Variants in PIEZO2 observed in about 807,000 individuals in gnomAD.
PIEZO2 encodes the protein piezo-type mechanosensitive ion channel component 2.
Under a neutral mutation model 337.3 loss-of-function variants are expected in PIEZO2, and 172 were observed. The observed-to-expected ratio is 0.51, with a 90% CI of 0.45 to 0.58. The LOEUF is 0.58. PIEZO2 is among the 20% of genes least tolerant of loss of function. PIEZO2 has a pLI of 0.00. For missense variants in PIEZO2, 3,028 were observed against 3,391.3 expected (o/e 0.89, Z 2.66); for synonymous variants, 1,251 against 1,228.5 (o/e 1.02, Z -0.38).
At chr18:11,144,470 A>G (rs2040756458) in intron 1 of PIEZO2, among the ~76,000 whole-genome samples, 1 of 152,176 alleles carries the variant, frequency 6.6e-6, no homozygotes, top group Non-Finnish European at 1.5e-5. Flanking sequence ...TCACATAGAC[A>G]TTAGCTCCAT....
chr18:11,069,459 A>C lies in PIEZO2; in HGVS notation c.65-3237T>G, dbSNP rs573169974. ...TCTTCTCAAAAGATGCAGAAAAACTATCTGACAAAATTCAACACCCTTCAT... is the reference window on the plus strand; with the variant it reads ...TCTTCTCAAAAGATGCAGAAAAACTCTCTGACAAAATTCAACACCCTTCAT... On this transcript the variant is annotated intron_variant, in intron 1 of 55. Transcript: ENST00000674853. This position sits in a 1 kb window ranked among gnomAD's most constrained non-coding sequence, Gnocchi z 4.9. Among the ~76,000 whole-genome samples the C allele has an allele frequency of 6.6e-6, 1 of 152,340 alleles. No homozygotes were observed. The highest frequency in any genetic ancestry group is 1.9e-4 in the East Asian group (1 of 5,188).
chr18:11,060,286 A>C (rs1340933907), intron 2 of PIEZO2, among the ~76,000 whole-genome samples: 2 of 152,206 alleles, frequency 1.3e-5, no homozygotes, highest in Non-Finnish European at 2.9e-5. Flanking sequence ...ATAGCACTAA[A>C]TGCCCACAAG....
chr18:10,854,400 A>G lies in PIEZO2; in HGVS notation c.917+953T>C, dbSNP rs1264613122. On this transcript the variant is annotated intron_variant, in intron 7 of 55. Transcript: ENST00000674853. The surrounding 1 kb of genome is among the most constrained non-coding windows in gnomAD (Gnocchi z 4.6). ...TCTACTTTGTCATTGTGCAACCACC[A>G]CGACCTTTATAGTAATTATTTCAGG... Among the ~76,000 whole-genome samples, 1 of 152,180 alleles carries G rather than the reference A, an allele frequency of 6.6e-6. No individual in the cohort carries two copies. Among genetic ancestry groups the G allele is most frequent in the Non-Finnish European group, 1.5e-5 (1 of 68,044 alleles).
In PIEZO2 at chr18:10,762,556, C is replaced by T. The variant is rs752023399; in HGVS notation, c.3193G>A (p.Asp1065Asn). Residue 1065 changes from aspartate (D) to asparagine (N), a missense_variant, in exon 23 of 56, where the codon GAT becomes AAT. Physicochemically the swap from Asp to Asn is conservative, Grantham distance 23. Around this residue, in one of 5 missense-constraint regions of PIEZO2, gnomAD observed 1,925 missense variants for 2,051.9 expected, o/e 0.94. Coordinates refer to ENST00000674853, the MANE Select transcript of PIEZO2 (RefSeq NM_001378183.1). Reference sequence around the variant, plus strand: ...CGCAGGCCGACCCACTCTGTAGGATCGATAGGAGCGCTGTAGAGCAGAGAC... The same window carrying T: ...CGCAGGCCGACCCACTCTGTAGGATTGATAGGAGCGCTGTAGAGCAGAGAC... ...NKSLLYSAPI[D>N]PTEWVGLRKS... The T allele has an allele frequency of 2.6e-6, 4 of 1,537,136 alleles. No individual in the cohort carries two copies. Among genetic ancestry groups the T allele is most frequent in the African/African-American group, 1.4e-5 (1 of 72,998 alleles).
chr18:10,836,127 A>G (rs1378253980), intron 7 of PIEZO2, among the ~76,000 whole-genome samples: 2 of 152,150 alleles, frequency 1.3e-5, no homozygotes, highest in African/African-American at 4.8e-5. Context: ...AATGGAATAA[A>G]GTTACTCTCG....
Position 10,859,824 on chromosome 18 carries a change from G to A in PIEZO2, c.493-2613C>T, listed in dbSNP as rs929763125. 6.6e-6 allele frequency among the ~76,000 whole-genome samples: 1 copy of A among 152,226 alleles called. No individual in the cohort carries two copies. Among genetic ancestry groups the A allele is most frequent in the Non-Finnish European group, 1.5e-5 (1 of 68,044 alleles). ...ACATAACTCTAGTTGCTCCTGGGGCGGAGCAGAGGGAGGCAGCAGCGGGGA... is the reference window on the plus strand; with the variant it reads ...ACATAACTCTAGTTGCTCCTGGGGCAGAGCAGAGGGAGGCAGCAGCGGGGA... On this transcript the variant is annotated intron_variant, in intron 5 of 55. Coordinates refer to ENST00000674853, the MANE Select transcript of PIEZO2 (RefSeq NM_001378183.1). This position sits in a 1 kb window ranked among gnomAD's most constrained non-coding sequence, Gnocchi z 4.9.
At chr18:10,909,166 CAT>C (rs777935088) in intron 4 of PIEZO2, among the ~76,000 whole-genome samples, 168 of 152,290 alleles carry the variant, frequency 1.1e-3, no homozygotes, top group Non-Finnish European at 1.9e-3. Flanking sequence ...GAAGTCAACA[CAT>C]ATATGTTCCC....
chr18:11,115,213 A>G (rs1418380824), intron 1 of PIEZO2, among the ~76,000 whole-genome samples: 3 of 152,252 alleles, frequency 2.0e-5, no homozygotes, highest in African/African-American at 7.2e-5. Context: ...TCCTATATTA[A>G]GTGTTTGGGA....
intron 4 of PIEZO2, among the ~76,000 whole-genome samples, chr18:10,891,653 A>C (rs1258511563): frequency 3.3e-5 from 5 of 152,218 alleles, no homozygotes; most frequent in Non-Finnish European, 7.3e-5. Context: ...AACTAGGCTA[A>C]AATGTTTTCA....
At chr18:10,743,713 A>C (rs1323268534) in intron 31 of PIEZO2, among the ~76,000 whole-genome samples, 1 of 152,224 alleles carries the variant, frequency 6.6e-6, no homozygotes, top group East Asian at 1.9e-4. Flanking sequence ...GATGTAATGA[A>C]TGCTTATATC....
intron 3 of PIEZO2, among the ~76,000 whole-genome samples, chr18:10,923,044 T>C (rs1314743353): frequency 3.9e-5 from 6 of 152,120 alleles, no homozygotes; most frequent in African/African-American, 7.2e-5. Context: ...TTGTCTTCTG[T>C]CTCTTTCTCA....
intron 27 of PIEZO2, among the ~76,000 whole-genome samples, chr18:10,755,825 A>C (rs994051187): frequency 7.0e-6 from 1 of 143,222 alleles, no homozygotes; most frequent in Non-Finnish European, 1.6e-5. Context: ...GATGAGGACC[A>C]AGGGATGAGG....
chr18:11,055,473 A>T (rs2037697467), intron 2 of PIEZO2, among the ~76,000 whole-genome samples: 2 of 152,304 alleles, frequency 1.3e-5, no homozygotes, highest in Admixed American at 1.3e-4. Context: ...GGTTTTAAGG[A>T]GGGACATCTA....
intron 2 of PIEZO2, among the ~76,000 whole-genome samples, chr18:11,062,572 AAAC>A (rs2038005029): frequency 6.6e-6 from 1 of 150,780 alleles, no homozygotes; most frequent in Non-Finnish European, 1.5e-5. Context: ...AGAAAAAAAC[AAAC>A]AACCCCATCA....
In PIEZO2 at chr18:11,067,842, A is replaced by G. The variant is rs1395044718; in HGVS notation, c.65-1620T>C. The stretch of plus-strand genomic sequence containing the variant: ...ATTAATAAGAAAACATCAGACTTAA[A>G]CTACATTTTTGACCAAATGAATCTA... On this transcript the variant is annotated intron_variant, in intron 1 of 55. Coordinates refer to ENST00000674853, the MANE Select transcript of PIEZO2 (RefSeq NM_001378183.1). Among the ~76,000 whole-genome samples, 3 of 152,250 alleles carry G rather than the reference A, an allele frequency of 2.0e-5. No homozygotes were observed. In the East Asian group the frequency reaches 5.8e-4, roughly 29 times the overall value.
chr18:10,743,203 A>G (rs1598424366), intron 31 of PIEZO2, among the ~76,000 whole-genome samples: 1 of 152,322 alleles, frequency 6.6e-6, no homozygotes, highest in East Asian at 1.9e-4. Flanking sequence ...CTTTATGAAA[A>G]TAATAATGCT....
rs1161064025 is a variant in PIEZO2, at chr18:10,726,231, G to A, written c.5029+5176C>T. 8.3e-6 allele frequency: 6 copies of A among 723,930 alleles called. No individual in the cohort carries two copies. The highest frequency in any genetic ancestry group is 1.5e-5 in the Non-Finnish European group (6 of 408,018). 44.8% of individuals were successfully genotyped at this position (723,930 alleles called of 1,614,324 possible). A position where few individuals can be genotyped will look rare whatever the true frequency, so the allele number is the denominator to read the frequency against. ...GGAGGAGGGGCTTCACGCTGCCTGG[G>A]GCTGGAAGAGCTTGTGTGCGAGCCT... On this transcript the variant is annotated intron_variant, in intron 36 of 55. Transcript: ENST00000674853. The surrounding 1 kb of genome is among the most constrained non-coding windows in gnomAD (Gnocchi z 5.9).
rs932317812 is a variant in PIEZO2, at chr18:10,813,500, T to A, written c.918-6226A>T. 1.5e-4 allele frequency among the ~76,000 whole-genome samples: 23 copies of A among 152,180 alleles called. No individual in the cohort carries two copies. Among genetic ancestry groups the A allele is most frequent in the African/African-American group, 5.3e-4 (22 of 41,424 alleles). ...TACCTTATTTAGTGGAACCATCCAA[T>A]ATTTGTCTTTTGTGACTGTCTTATT... is the stretch of plus-strand genomic sequence containing the variant. On this transcript the variant is annotated intron_variant, in intron 7 of 55. Transcript: ENST00000674853. The surrounding 1 kb of genome is among the most constrained non-coding windows in gnomAD (Gnocchi z 4.2).
chr18:10,675,644 A>G (rs936945845), intron 53 of PIEZO2, among the ~76,000 whole-genome samples: 1 of 152,198 alleles, frequency 6.6e-6, no homozygotes, highest in Admixed American at 6.5e-5. Context: ...AGCACGCTTC[A>G]AATTTTAATT....
Sources: gnomAD v4.1 joint callset for allele counts (sites outside exome capture counted in the v4.1 genomes callset) on GRCh38, gnomAD v4.1.1 for gene constraint, gnomAD v4.1.1 regional missense constraint, Gnocchi (gnomAD v3.1) non-coding constraint, MANE v1.5 for transcripts, NCBI Gene and HGNC (gene_info 2026-07-23, HGNC 2026-07-21) for gene names.